The following RAPGEF2 variants were observed in gnomAD, a reference collection of about 807,000 sequenced individuals.
The protein encoded by RAPGEF2 is PDZ domain containing guanine nucleotide exchange factor (GEF) 1.
In RAPGEF2, 54 loss-of-function variants were observed where a neutral mutation model predicts 186.7. The observed-to-expected ratio is 0.29, with a 90% CI of 0.23 to 0.36. RAPGEF2 has a LOEUF of 0.36. Ranked by LOEUF, RAPGEF2 falls within the 10% of genes least tolerant of loss-of-function variation. RAPGEF2 has a pLI of 1.00. For missense variants in RAPGEF2, 1,532 were observed against 2,045.0 expected, an observed-to-expected ratio of 0.75 and a Z score of 4.84; for synonymous variants, 712 against 705.9, an observed-to-expected ratio of 1.01 and a Z score of -0.14.
At chr4:159,224,108 AGGCTG>A (rs1226962064) in intron 4 of RAPGEF2, among the ~76,000 whole-genome samples, 1 of 152,168 alleles carries the variant, frequency 6.6e-6, no homozygotes, top group Non-Finnish European at 1.5e-5. Flanking sequence ...CATGTTGGCC[AGGCTG>A]GTCTTGAACT....
chr4:159,160,730 G>C (rs936417973), intron 1 of RAPGEF2, among the ~76,000 whole-genome samples: 1 of 152,096 alleles, frequency 6.6e-6, no homozygotes, highest in Non-Finnish European at 1.5e-5. Context: ...AAAAGGAAGT[G>C]GATTTGATTT....
At chr4:159,256,462 G>T (rs1188496464) in intron 7 of RAPGEF2, among the ~76,000 whole-genome samples, 1 of 152,166 alleles carries the variant, frequency 6.6e-6, no homozygotes, top group Non-Finnish European at 1.5e-5. Context: ...TGGGTATTTG[G>T]GTTGATTCCA....
intron 4 of RAPGEF2, among the ~76,000 whole-genome samples, chr4:159,237,616 C>T (rs995873279): frequency 3.3e-5 from 5 of 151,698 alleles, no homozygotes; most frequent in Non-Finnish European, 7.4e-5. Context: ...CCTCACAGTG[C>T]CTAATTAACT....
At chr4:159,308,165 G>A (rs897684945) in intron 8 of RAPGEF2, among the ~76,000 whole-genome samples, 5 of 152,144 alleles carry the variant, frequency 3.3e-5, no homozygotes, top group Admixed American at 2.0e-4. Flanking sequence ...CTCTAACATA[G>A]TTGGAGCTTA....
intron 1 of RAPGEF2, among the ~76,000 whole-genome samples, chr4:159,108,466 C>G (rs867076189): frequency 7.0e-6 from 1 of 142,142 alleles, no homozygotes; most frequent in Non-Finnish European, 1.5e-5. Context: ...AAAAACAAAA[C>G]TAGTTATAAC....
chr4:159,239,425 C>A (rs997951401), intron 5 of RAPGEF2, among the ~76,000 whole-genome samples: 5 of 152,052 alleles, frequency 3.3e-5, no homozygotes, highest in African/African-American at 1.2e-4. Context: ...TTAAAAAACA[C>A]AAGAAAATCA....
At chr4:159,330,590 A>G in intron 13 of RAPGEF2, 92 bp downstream of exon 13, 4 of 906,316 alleles carry the variant, frequency 4.4e-6, no homozygotes, top group Non-Finnish European at 5.0e-6. Flanking sequence ...TTATGTCCAG[A>G]TTAATGTAAT....
chr4:159,268,245 G>A, intron 7 of RAPGEF2: 1 of 1,488,918 alleles, frequency 6.7e-7, no homozygotes, highest in Non-Finnish European at 9.4e-7. Context: ...CTTGTGCTTT[G>A]ATAGCACGTC....
chr4:159,307,816 C>T (rs1763486377), intron 8 of RAPGEF2, among the ~76,000 whole-genome samples: 2 of 152,008 alleles, frequency 1.3e-5, no homozygotes, highest in South Asian at 2.1e-4. Flanking sequence ...TACTAAAATA[C>T]AAAAATTAGC....
chr4:159,322,560 TCTTA>T, intron 10 of RAPGEF2, 77 bp downstream of exon 10: 1 of 1,282,794 alleles, frequency 7.8e-7, no homozygotes, highest in Non-Finnish European at 1.1e-6. Flanking sequence ...AAACCCCAAT[TCTTA>T]CTTTTTCCTT....
At chr4:159,117,011 A>G (rs6831046) in intron 1 of RAPGEF2, among the ~76,000 whole-genome samples, 59,747 of 152,002 alleles carry the variant, frequency 0.39, 11,989 homozygotes, top group African/African-American at 0.47. Flanking sequence ...CATTCTGCAC[A>G]TGTATCCTGG....
intron 17 of RAPGEF2, 103 bp from the exon 18 acceptor site, chr4:159,338,208 C>CAAAA: frequency 2.1e-6 from 2 of 931,982 alleles, no homozygotes; most frequent in Non-Finnish European, 3.0e-6. Context: ...ACATGAGCTG[C>CAAAA]AAAAAAAAAA....
At chr4:159,357,732 TC>T (rs569839063) in intron 29 of RAPGEF2, among the ~76,000 whole-genome samples, 120 of 152,292 alleles carry the variant, frequency 7.9e-4, no homozygotes, top group African/African-American at 2.8e-3. Context: ...TTACTTAAAA[TC>T]CTGTCACTTG....
At chr4:159,156,015 C>G (rs1744081368) in intron 1 of RAPGEF2, among the ~76,000 whole-genome samples, 1 of 152,158 alleles carries the variant, frequency 6.6e-6, no homozygotes, top group South Asian at 2.1e-4. Context: ...ATAAAAGTTA[C>G]TGTAAAACTT....
At chr4:159,208,830 A>C (rs867373930) in intron 3 of RAPGEF2, among the ~76,000 whole-genome samples, 1 of 152,108 alleles carries the variant, frequency 6.6e-6, no homozygotes, top group African/African-American at 2.4e-5. Flanking sequence ...TTCACAGCTC[A>C]TGTTTTCAGA....
At chr4:159,288,813 T>C (rs1374673203) in intron 7 of RAPGEF2, among the ~76,000 whole-genome samples, 1 of 152,194 alleles carries the variant, frequency 6.6e-6, no homozygotes, top group Non-Finnish European at 1.5e-5. Flanking sequence ...CGACCATTCC[T>C]AGGTTTATCC....
chr4:159,306,897 T>G (rs1295367821), intron 8 of RAPGEF2, among the ~76,000 whole-genome samples: 1 of 151,922 alleles, frequency 6.6e-6, no homozygotes, highest in Non-Finnish European at 1.5e-5. Context: ...AAATAAATTT[T>G]TATGATACTG....
chr4:159,112,566 A>G (rs1267436534), intron 1 of RAPGEF2, among the ~76,000 whole-genome samples: 1 of 152,222 alleles, frequency 6.6e-6, no homozygotes, highest in Non-Finnish European at 1.5e-5. Flanking sequence ...CCTAGGGAAG[A>G]AAGTATCCAT....
intron 7 of RAPGEF2, among the ~76,000 whole-genome samples, chr4:159,275,518 G>A (rs1265230075): frequency 1.3e-5 from 2 of 151,912 alleles, no homozygotes; most frequent in African/African-American, 4.8e-5. Flanking sequence ...TCATATGTAT[G>A]TGTATGTGTA....
Sources: gnomAD v4.1 joint callset for allele counts (sites outside exome capture counted in the v4.1 genomes callset) on GRCh38, gnomAD v4.1.1 for gene constraint, MANE v1.5 for transcripts, NCBI Gene and HGNC (gene_info 2026-07-23, HGNC 2026-07-21) for gene names.